Variants in NR3C2 observed in about 807,000 individuals in gnomAD.
NR3C2 encodes the protein nuclear receptor subfamily 3 group C member 2, also known as mineralocorticoid receptor.
NR3C2 carries 15 observed loss-of-function variants against 86.4 expected under a neutral mutation model. The observed-to-expected ratio is 0.17, with a 90% CI of 0.12 to 0.27. NR3C2 has a LOEUF of 0.27. NR3C2 is among the 10% of genes least tolerant of loss of function. The pLI is 1.00. For synonymous variants in NR3C2, 458 were observed against 450.5 expected (o/e 1.02, Z -0.21); for missense variants, 960 against 1,195.6 (o/e 0.80, Z 2.91).
chr4:148,243,296 G>C (rs966464307), intron 3 of NR3C2, among the ~76,000 whole-genome samples: 1 of 151,958 alleles, frequency 6.6e-6, no homozygotes, highest in Non-Finnish European at 1.5e-5. Context: ...CCCAAAGCAC[G>C]GGGATTACAG....
chr4:148,236,048 G>A (rs1413456371), intron 3 of NR3C2, among the ~76,000 whole-genome samples: 1 of 152,198 alleles, frequency 6.6e-6, no homozygotes, highest in Non-Finnish European at 1.5e-5. Context: ...CTAAAGCTAG[G>A]CCAGTGCAGC....
chr4:148,401,106 T>C (rs1560711416), intron 2 of NR3C2, among the ~76,000 whole-genome samples: 1 of 152,196 alleles, frequency 6.6e-6, no homozygotes, highest in Non-Finnish European at 1.5e-5. Flanking sequence ...CACAACAAAT[T>C]CACCAAGTAG....
At chr4:148,156,302 T>G (rs1180649231) in intron 4 of NR3C2, among the ~76,000 whole-genome samples, 1 of 152,102 alleles carries the variant, frequency 6.6e-6, no homozygotes, top group Admixed American at 6.6e-5. Flanking sequence ...CAGCAAAAGA[T>G]ACTACCATCA....
At chr4:148,292,530 C>T (rs1326858980) in intron 2 of NR3C2, among the ~76,000 whole-genome samples, 1 of 151,976 alleles carries the variant, frequency 6.6e-6, no homozygotes, top group African/African-American at 2.4e-5. Context: ...ACAATTTATA[C>T]AGTTAGAAGG....
In NR3C2 at chr4:148,319,371, G is replaced by A. The variant is rs1170625830; in HGVS notation, c.1758-59254C>T. Among the ~76,000 whole-genome samples the A allele has an allele frequency of 5.3e-5, 8 of 152,254 alleles. No homozygotes were observed. The East Asian group carries it at 1.5e-3, about 29-fold the overall frequency. ...ACTTGGCGATGTGGGCTCTTTTCTG[G>A]TTCCATATGAACTTTCAAGTAGTTT... On this transcript the variant is annotated intron_variant, in intron 2 of 8. Coordinates refer to ENST00000358102, the MANE Select transcript of NR3C2 (RefSeq NM_000901.5).
intron 2 of NR3C2, among the ~76,000 whole-genome samples, chr4:148,398,733 AC>A (rs1747985436): frequency 6.6e-6 from 1 of 152,220 alleles, no homozygotes; most frequent in Non-Finnish European, 1.5e-5. Flanking sequence ...ATAACAGATT[AC>A]CCCTACCCTC....
intron 2 of NR3C2, among the ~76,000 whole-genome samples, chr4:148,263,690 C>T (rs933048340): frequency 2.0e-5 from 3 of 152,180 alleles, no homozygotes; most frequent in Non-Finnish European, 4.4e-5. Flanking sequence ...ACCTTATGCT[C>T]AGCACATGCC....
intron 2 of NR3C2, among the ~76,000 whole-genome samples, chr4:148,392,909 T>G (rs999719504): frequency 1.3e-5 from 2 of 152,196 alleles, no homozygotes; most frequent in Admixed American, 6.5e-5. Context: ...GCTGCTAATG[T>G]TCACAGTTCT....
intron 3 of NR3C2, among the ~76,000 whole-genome samples, chr4:148,224,819 A>G (rs574546778): frequency 6.6e-6 from 1 of 152,342 alleles, no homozygotes; most frequent in East Asian, 1.9e-4. Flanking sequence ...GAAACATTAC[A>G]TCTGATAAGG....
chr4:148,435,654 C>A lies in NR3C2; in HGVS notation c.1207G>T (p.Asp403Tyr), dbSNP rs2126652388. ...NIVQYIKPEP[D>Y]GAFSSSCLGG... ...AGACATGAGCTGCTAAAAGCTCCAT[C>A]TGGTTCTGGTTTTATGTACTGGACA... The change falls in exon 2 of 9, where the codon GAT becomes TAT. Residue 403 changes from aspartate to tyrosine, a missense_variant. Transcript: ENST00000358102. 6.2e-7 allele frequency: 1 copy of A among 1,614,174 alleles called. No individual in the cohort carries two copies. Among genetic ancestry groups the A allele is most frequent in the Non-Finnish European group, 8.5e-7 (1 of 1,180,028 alleles).
intron 8 of NR3C2, among the ~76,000 whole-genome samples, chr4:148,084,864 T>C (rs1481796989): frequency 1.3e-5 from 2 of 152,152 alleles, no homozygotes; most frequent in African/African-American, 2.4e-5. Context: ...GTTCCAATCC[T>C]AGTGTCTGAT....
At chr4:148,193,999 CT>C (rs1197490581) in intron 4 of NR3C2, among the ~76,000 whole-genome samples, 1 of 152,176 alleles carries the variant, frequency 6.6e-6, no homozygotes, top group Non-Finnish European at 1.5e-5. Flanking sequence ...TCTTGACCTT[CT>C]GTTAATCTGT....
At chr4:148,105,812 C>A (rs186815950) in intron 8 of NR3C2, among the ~76,000 whole-genome samples, 4 of 151,550 alleles carry the variant, frequency 2.6e-5, no homozygotes, top group African/African-American at 9.7e-5. Context: ...AAAAGGCCTT[C>A]GATAAAATTC....
At chr4:148,082,482 A>C (rs1051973792) in intron 8 of NR3C2, among the ~76,000 whole-genome samples, 3 of 152,084 alleles carry the variant, frequency 2.0e-5, no homozygotes, top group Non-Finnish European at 4.4e-5. Flanking sequence ...TCCCTCCCCT[A>C]GCCAAGGGAA....
chr4:148,444,637 A>G (rs1415531755), upstream of NR3C2: 4 of 985,672 alleles, frequency 4.1e-6, no homozygotes, highest in East Asian at 4.5e-4. Context: ...ATCGGCGGTG[A>G]GGATGGAGAG....
intron 6 of NR3C2, among the ~76,000 whole-genome samples, chr4:148,126,627 C>T (rs1732760036): frequency 6.6e-6 from 1 of 152,128 alleles, no homozygotes; most frequent in South Asian, 2.1e-4. Flanking sequence ...TAAAGAGAGA[C>T]CTCAGATTCC....
chr4:148,254,454 G>A (rs1362262359), intron 3 of NR3C2, among the ~76,000 whole-genome samples: 1 of 152,174 alleles, frequency 6.6e-6, no homozygotes, highest in East Asian at 1.9e-4. Context: ...CAGCATGGGG[G>A]TCAATTGTTG....
intron 2 of NR3C2, among the ~76,000 whole-genome samples, chr4:148,380,624 T>C (rs1482682430): frequency 1.3e-5 from 2 of 152,244 alleles, no homozygotes; most frequent in African/African-American, 4.8e-5. Flanking sequence ...TCTCTTTGAT[T>C]ATACTCATCT....
At chr4:148,091,198 T>C (rs1259391618) in intron 8 of NR3C2, among the ~76,000 whole-genome samples, 1 of 152,224 alleles carries the variant, frequency 6.6e-6, no homozygotes, top group Non-Finnish European at 1.5e-5. Flanking sequence ...CAGTTGCTGA[T>C]GTCAGGGAAC....
Sources: gnomAD v4.1 joint callset for allele counts (sites outside exome capture counted in the v4.1 genomes callset) on GRCh38, gnomAD v4.1.1 for gene constraint, MANE v1.5 for transcripts, NCBI Gene and HGNC (gene_info 2026-07-23, HGNC 2026-07-21) for gene names.